Variants in MAX observed in about 807,000 individuals in gnomAD.
The protein encoded by MAX is MYC associated transcriptional regulator X.
In MAX, 3 loss-of-function variants were observed where a neutral mutation model predicts 22.3. The observed-to-expected ratio is 0.13, with a 90% CI of 0.06 to 0.35. MAX has a LOEUF of 0.35. Among genes scored for constraint, MAX ranks in the 10% least tolerant of loss-of-function variants. The pLI, the probability that MAX is intolerant of heterozygous loss-of-function variation, is 1.00. For missense variants in MAX, 119 were observed against 209.4 expected, an observed-to-expected ratio of 0.57 and a Z score of 2.66; for synonymous variants, 72 against 77.7, an observed-to-expected ratio of 0.93 and a Z score of 0.39.
chr14:65,055,001 T>C (rs1330261627), intron 3 of MAX, among the ~76,000 whole-genome samples: 1 of 152,234 alleles, frequency 6.6e-6, no homozygotes, highest in Non-Finnish European at 1.5e-5. Flanking sequence ...CGTGTCACTC[T>C]GAGGCTGTGA....
intron 3 of MAX, chr14:65,061,222 G>T: frequency 6.2e-7 from 1 of 1,614,170 alleles, no homozygotes; most frequent in Middle Eastern, 1.7e-4. Context: ...CAGACAAGGT[G>T]ATCCAGGCCA....
chr14:65,080,613 T>C (rs2063175820), intron 3 of MAX, among the ~76,000 whole-genome samples: 1 of 152,240 alleles, frequency 6.6e-6, no homozygotes, highest in Non-Finnish European at 1.5e-5. Flanking sequence ...ATTCCTCATC[T>C]GACTAGAAAT....
chr14:65,050,452 G>T (rs946562590), intron 3 of MAX, among the ~76,000 whole-genome samples: 1 of 152,104 alleles, frequency 6.6e-6, no homozygotes, highest in Non-Finnish European at 1.5e-5. Context: ...TTAGCCAGGC[G>T]TGGGGGCTTG....
chr14:65,021,123 T>A (rs2061878906), intron 3 of MAX, among the ~76,000 whole-genome samples: 1 of 152,204 alleles, frequency 6.6e-6, no homozygotes, highest in Non-Finnish European at 1.5e-5. Context: ...TACATTTGCT[T>A]TGCTTAATGG....
In MAX at chr14:65,031,825, A is replaced by G. The variant is rs2139588951; in HGVS notation, c.172-25541T>C. 6.6e-6 allele frequency among the ~76,000 whole-genome samples: 1 copy of G among 152,136 alleles called. No individual in the cohort carries two copies. The highest frequency in any genetic ancestry group is 2.0e-4 in the East Asian group (1 of 5,110). ...AATCCCAGCTACTTGGGAGGCTGAT[A>G]CAGGAGAATTGCTTGAACCCAGGAG... On this transcript the variant is annotated intron_variant, in intron 3 of 3. Transcript: ENST00000341653. This position sits in a 1 kb window ranked among gnomAD's most constrained non-coding sequence, Gnocchi z 4.6.
At chr14:65,034,056 A>G (rs1377364634) in intron 3 of MAX, among the ~76,000 whole-genome samples, 1 of 152,192 alleles carries the variant, frequency 6.6e-6, no homozygotes, top group Non-Finnish European at 1.5e-5. Context: ...TCCTGGAGTT[A>G]ATGGATATAT....
At chr14:65,098,610 T>A (rs1271921486) in intron 2 of MAX, among the ~76,000 whole-genome samples, 1 of 152,206 alleles carries the variant, frequency 6.6e-6, no homozygotes, top group Non-Finnish European at 1.5e-5. Flanking sequence ...GCCCTTGCAA[T>A]ATAATATACC....
At chr14:65,102,587 G>T, upstream of MAX, 2 of 1,419,912 alleles carry the variant, frequency 1.4e-6, no homozygotes. Flanking sequence ...CGCAGCGCTG[G>T]GGCAGCCGAG....
In MAX at chr14:65,028,431, T is replaced by C. The variant is rs1214290842; in HGVS notation, c.172-22147A>G. Among the ~76,000 whole-genome samples, 1 of 152,244 alleles carries C rather than the reference T, an allele frequency of 6.6e-6. No individual in the cohort carries two copies. Among genetic ancestry groups the C allele is most frequent in the Non-Finnish European group, 1.5e-5 (1 of 68,042 alleles). ...GCCATTTCTCTAAGACAGTGGCTTA[T>C]TGAGATTTTATGCCATTTTCTTATT... On this transcript the variant is annotated intron_variant, in intron 3 of 3. Transcript: ENST00000341653. This position sits in a 1 kb window ranked among gnomAD's most constrained non-coding sequence, Gnocchi z 4.4.
chr14:65,059,843 T>TC (rs1000542974), intron 3 of MAX, among the ~76,000 whole-genome samples: 4 of 150,140 alleles, frequency 2.7e-5, no homozygotes, highest in Non-Finnish European at 4.4e-5. Flanking sequence ...TTTTCTTTTT[T>TC]TTTTTTTTTT....
At chr14:65,058,707 T>G (rs2062796981) in intron 3 of MAX, among the ~76,000 whole-genome samples, 7 of 152,242 alleles carry the variant, frequency 4.6e-5, no homozygotes, top group Admixed American at 4.6e-4. Context: ...GAATGCTTTC[T>G]CCGCATCTGA....
rs2139751619 is a variant in MAX, at chr14:65,077,894, C to T, written c.295+19G>A. On this transcript the variant is annotated intron_variant, in intron 4 of 4. Transcript: ENST00000358664. The surrounding 1 kb of genome is among the most constrained non-coding windows in gnomAD (Gnocchi z 6.3). ...TGGAGCACAGCAGGGCCAGCTGCCC[C>T]ACGAGCTCGGGTGCTCACCTTGCTG... is the stretch of plus-strand genomic sequence containing the variant. The T allele has an allele frequency of 6.2e-7, 1 of 1,614,232 alleles. No individual in the cohort carries two copies. The highest frequency in any genetic ancestry group is 8.5e-7 in the Non-Finnish European group (1 of 1,180,028).
At chr14:65,072,657 GC>G (rs1201924819), downstream of MAX, among the ~76,000 whole-genome samples, 1 of 152,208 alleles carries the variant, frequency 6.6e-6, no homozygotes, top group Non-Finnish European at 1.5e-5. Context: ...TTAACAAGCA[GC>G]CCTGGGCATG....
intron 3 of MAX, among the ~76,000 whole-genome samples, chr14:65,020,729 C>T (rs894938362): frequency 2.9e-5 from 4 of 135,620 alleles, no homozygotes; most frequent in East Asian, 2.0e-4. Context: ...CCACCGCGCC[C>T]GGCCTTTTTT....
At position 65,066,307 on chromosome 14, in the gene MAX, T is replaced by C. The variant is rs559168853; in HGVS notation, c.171+27401A>G. ...TGACAGCAGCCAGCTTTCTCCAACC[T>C]GGCCCAGGCACATCTAACAGGTTCC... On this transcript the variant is annotated intron_variant, in intron 3 of 3. Coordinates refer to the MAX transcript ENST00000341653. Among the ~76,000 whole-genome samples, 231 of 152,324 alleles carry C rather than the reference T, an allele frequency of 1.5e-3. 1 individual carries two copies. The highest frequency in any genetic ancestry group is 4.8e-3 in the African/African-American group (201 of 41,572).
chr14:65,062,287 G>C lies in MAX; in HGVS notation c.171+31421C>G, dbSNP rs1172610694. 1 of 152,226 alleles carries C rather than the reference G, an allele frequency of 6.6e-6. No homozygotes were observed. Among genetic ancestry groups the C allele is most frequent in the South Asian group, 2.1e-4 (1 of 4,832 alleles). The allele number at this position is 152,226 out of a possible 1,614,324, so 9.4% of individuals were successfully genotyped here. A position where few individuals can be genotyped will look rare whatever the true frequency, so the allele number is the denominator to read the frequency against. On this transcript the variant is annotated intron_variant, in intron 3 of 3. Transcript: ENST00000341653. This position sits in a 1 kb window ranked among gnomAD's most constrained non-coding sequence, Gnocchi z 4.3. ...AACTTATGACTCAGGATTTATTCAC[G>C]TCCTGCCCACTCTAGGCTCACAGGA...
intron 3 of MAX, among the ~76,000 whole-genome samples, chr14:65,087,350 C>T (rs947431395): frequency 6.6e-6 from 1 of 152,222 alleles, no homozygotes; most frequent in East Asian, 1.9e-4. Context: ...TGACTGACAT[C>T]TTGCACTGTG....
chr14:65,044,511 C>T lies in MAX; in HGVS notation c.172-38227G>A. 1 of 1,551,108 alleles carries T rather than the reference C, an allele frequency of 6.4e-7. No individual in the cohort carries two copies. The highest frequency in any genetic ancestry group is 8.7e-7 in the Non-Finnish European group (1 of 1,154,170). ...TCCACTACTCACAAAGTCTGGAAGC[C>T]CAGCGTGCTTTTTTAGAGGGGTTGA... is the stretch of plus-strand genomic sequence containing the variant. On this transcript the variant is annotated intron_variant, in intron 3 of 3. Coordinates refer to the MAX transcript ENST00000341653. The surrounding 1 kb of genome is among the most constrained non-coding windows in gnomAD (Gnocchi z 5.5).
At position 65,078,458 on chromosome 14, in the gene MAX, C is replaced by T. The variant is rs2063118996; in HGVS notation, c.172-422G>A. Among the ~76,000 whole-genome samples, 4 of 152,054 alleles carry T rather than the reference C, an allele frequency of 2.6e-5. No homozygotes were observed. Among genetic ancestry groups the T allele is most frequent in the Admixed American group, 2.6e-4 (4 of 15,274 alleles). ...GCCTCAGGTGATCTGCCCACCTTGG[C>T]CTCCCAAAATGCTGGGATTATAGGT... On this transcript the variant is annotated intron_variant, in intron 3 of 4. Coordinates refer to ENST00000358664, the MANE Select transcript of MAX (RefSeq NM_002382.5). This position sits in a 1 kb window ranked among gnomAD's most constrained non-coding sequence, Gnocchi z 6.4.
Sources: allele counts gnomAD v4.1 joint callset (sites outside exome capture counted in the v4.1 genomes callset), GRCh38; gene constraint gnomAD v4.1.1; non-coding constraint Gnocchi (gnomAD v3.1); transcripts MANE v1.5; gene names NCBI Gene and HGNC (gene_info 2026-07-23, HGNC 2026-07-21).